The following FBXO15 variants were observed in gnomAD, a reference collection of about 807,000 sequenced individuals.
FBXO15 encodes F-box protein 15.
FBXO15 carries 30 observed loss-of-function variants against 49.5 expected under a neutral mutation model. The observed-to-expected ratio is 0.61, with a 90% CI of 0.45 to 0.82. The LOEUF is 0.82. FBXO15 is among the 40% of genes least tolerant of loss of function. FBXO15 has a pLI of 0.00. For synonymous variants in FBXO15, 250 were observed against 232.7 expected, an observed-to-expected ratio of 1.07 and a Z score of -0.68; for missense variants, 591 against 631.5, an observed-to-expected ratio of 0.94 and a Z score of 0.69.
chr18:74,123,260 A>C, intron 8 of FBXO15, 108 bp downstream of exon 8: 1 of 1,246,214 alleles, frequency 8.0e-7, no homozygotes. Context: ...CTGGTGCCAA[A>C]AGATTATAAA....
chr18:74,142,608 C>T (rs972183248), intron 1 of FBXO15, among the ~76,000 whole-genome samples: 15 of 152,136 alleles, frequency 9.9e-5, no homozygotes, highest in Non-Finnish European at 7.4e-5. Flanking sequence ...CTAATCTCTG[C>T]CCCCATCTTC....
intron 8 of FBXO15, among the ~76,000 whole-genome samples, chr18:74,113,853 C>T (rs1914127015): frequency 1.3e-5 from 2 of 152,226 alleles, no homozygotes; most frequent in Admixed American, 6.5e-5. Context: ...GCTCTATTTA[C>T]ACTTCAAAGA....
At chr18:74,086,928 C>T (rs996361256) in intron 8 of FBXO15, among the ~76,000 whole-genome samples, 1 of 152,136 alleles carries the variant, frequency 6.6e-6, no homozygotes, top group Admixed American at 6.5e-5. Context: ...ATATCTCAGA[C>T]GTACCGCAGA....
intron 3 of FBXO15, among the ~76,000 whole-genome samples, chr18:74,135,468 T>C (rs571718283): frequency 3.9e-4 from 59 of 152,196 alleles, no homozygotes; most frequent in Non-Finnish European, 7.8e-4. Flanking sequence ...TGGTTAGGTC[T>C]GATTCTGTGG....
chr18:74,105,728 G>A (rs958085442), intron 8 of FBXO15, among the ~76,000 whole-genome samples: 1 of 152,078 alleles, frequency 6.6e-6, no homozygotes, highest in Admixed American at 6.6e-5. Context: ...TTACAGGCAT[G>A]AGACACTGTG....
At chr18:74,135,714 C>A (rs1422413220) in intron 3 of FBXO15, 48 bp downstream of exon 3, 2 of 1,437,064 alleles carry the variant, frequency 1.4e-6, no homozygotes, top group Admixed American at 4.4e-5. Flanking sequence ...TTCCTGACTT[C>A]CATCAAACTG....
chr18:74,144,761 T>C (rs1979303129), intron 1 of FBXO15, among the ~76,000 whole-genome samples: 1 of 152,220 alleles, frequency 6.6e-6, no homozygotes, highest in African/African-American at 2.4e-5. Context: ...GAAGATGCTC[T>C]ATGTGTTCCC....
chr18:74,109,781 A>G (rs1913927635), intron 8 of FBXO15, among the ~76,000 whole-genome samples: 1 of 151,840 alleles, frequency 6.6e-6, no homozygotes, highest in South Asian at 2.1e-4. Flanking sequence ...TTGAACAACG[A>G]GAACACATGG....
intron 8 of FBXO15, among the ~76,000 whole-genome samples, chr18:74,082,517 T>A (rs1392365937): frequency 2.6e-5 from 4 of 152,146 alleles, no homozygotes; most frequent in Non-Finnish European, 2.9e-5. Flanking sequence ...AACCAACACC[T>A]CTGCACATGC....
chr18:74,089,954 T>A (rs140084774), intron 8 of FBXO15, among the ~76,000 whole-genome samples: 5 of 152,310 alleles, frequency 3.3e-5, no homozygotes, highest in African/African-American at 9.6e-5. Context: ...GAGGAGTCCC[T>A]CCACCTCAAT....
At chr18:74,131,814 G>C (rs952749491) in intron 3 of FBXO15, among the ~76,000 whole-genome samples, 1 of 152,220 alleles carries the variant, frequency 6.6e-6, no homozygotes, top group African/African-American at 2.4e-5. Flanking sequence ...CGGCCTGGAG[G>C]CTGCAAGGAA....
intron 2 of FBXO15, among the ~76,000 whole-genome samples, chr18:74,137,163 A>C (rs1978773825): frequency 6.6e-6 from 1 of 152,152 alleles, no homozygotes; most frequent in Admixed American, 6.6e-5. Context: ...TTAAACGAAA[A>C]GCTTTGCTTA....
chr18:74,126,322 C>T (rs1268150883), intron 5 of FBXO15, among the ~76,000 whole-genome samples: 3 of 152,196 alleles, frequency 2.0e-5, no homozygotes, highest in African/African-American at 7.2e-5. Flanking sequence ...CTCCGTCTTG[C>T]TCTTACTGTC....
chr18:74,077,111 T>C (rs892557795), intron 9 of FBXO15, among the ~76,000 whole-genome samples: 2 of 152,158 alleles, frequency 1.3e-5, no homozygotes, highest in African/African-American at 4.8e-5. Flanking sequence ...TAGAGATGGA[T>C]GCTAAGCACC....
intron 8 of FBXO15, among the ~76,000 whole-genome samples, chr18:74,089,266 A>G (rs190061070): frequency 1.3e-5 from 2 of 152,280 alleles, no homozygotes; most frequent in African/African-American, 4.8e-5. Context: ...CAGAAATGCT[A>G]CTAATTTTTG....
At chr18:74,139,199 G>T (rs1978911948) in intron 2 of FBXO15, among the ~76,000 whole-genome samples, 1 of 152,160 alleles carries the variant, frequency 6.6e-6, no homozygotes, top group Non-Finnish European at 1.5e-5. Context: ...GGATCCATTT[G>T]TTTTCTCAAC....
intron 8 of FBXO15, among the ~76,000 whole-genome samples, chr18:74,083,051 G>A (rs1912572537): frequency 6.6e-6 from 1 of 152,134 alleles, no homozygotes; most frequent in African/African-American, 2.4e-5. Flanking sequence ...CTTTGCCTGG[G>A]GCCTCTTTTG....
intron 8 of FBXO15, among the ~76,000 whole-genome samples, chr18:74,103,602 G>A (rs1317603354): frequency 3.3e-5 from 5 of 152,050 alleles, no homozygotes; most frequent in Non-Finnish European, 4.4e-5. Context: ...CAAGCACAAA[G>A]AGAGGATCCT....
chr18:74,143,738 C>T (rs1456618023), intron 1 of FBXO15, among the ~76,000 whole-genome samples: 1 of 152,210 alleles, frequency 6.6e-6, no homozygotes. Context: ...TGATGGCCTC[C>T]AGGTGTCTAT....
Sources: allele counts gnomAD v4.1 joint callset (sites outside exome capture counted in the v4.1 genomes callset), GRCh38; gene constraint gnomAD v4.1.1; transcripts MANE v1.5; gene names NCBI Gene and HGNC (gene_info 2026-07-23, HGNC 2026-07-21).